DDB2: variants seen among roughly 807,000 people sequenced by gnomAD.
DDB2 encodes the protein damage specific DNA binding protein 2.
A neutral mutation model predicts 50.5 loss-of-function variants in DDB2; 27 were observed. The ratio of observed to expected loss-of-function variants is 0.53; its 90% CI spans 0.39 to 0.74. DDB2 has a LOEUF of 0.74. Among genes scored for constraint, DDB2 ranks in the 30% least tolerant of loss-of-function variants. The probability of loss-of-function intolerance (pLI) is 0.00; values close to 1 mark genes in which losing one functional copy is unlikely to be tolerated. For missense variants in DDB2, 424 were observed against 545.6 expected (o/e 0.78, Z 2.22); for synonymous variants, 176 against 205.5 (o/e 0.86, Z 1.23).
At chr11:47,221,261 G>A (rs918301792) in intron 3 of DDB2, among the ~76,000 whole-genome samples, 7 of 151,500 alleles carry the variant, frequency 4.6e-5, no homozygotes, top group African/African-American at 1.7e-4. Context: ...GCATCCCTCT[G>A]TGCATGTGTA....
chr11:47,215,342 TCCGAGGCTC>T, intron 1 of DDB2, 79 bp downstream of exon 1: 1 of 1,606,018 alleles, frequency 6.2e-7, no homozygotes, highest in Non-Finnish European at 8.5e-7. Context: ...GGATGGGTGC[TCCGAGGCTC>T]CCGAGGCCCG....
chr11:47,228,622 A>C (rs1467810869), intron 3 of DDB2, among the ~76,000 whole-genome samples: 1 of 138,536 alleles, frequency 7.2e-6, no homozygotes, highest in Non-Finnish European at 1.6e-5. Context: ...CAGCCTGGGC[A>C]ACAGCATGGG....
At chr11:47,215,748 T>G in intron 1 of DDB2, 1 of 263,880 alleles carries the variant, frequency 3.8e-6, no homozygotes, top group East Asian at 1.0e-4. Context: ...AATCAAGTGG[T>G]TTTTGTCCAT....
chr11:47,215,381 C>CGGCT lies in DDB2; in HGVS notation c.127+120_127+123dup, dbSNP rs1036732724. ...GGCCCGCGCAGGTCACGGGTGCCTCCGGCTGTGCATTCTACCTGCAGGTCC... is the reference window on the plus strand; with the variant it reads ...GGCCCGCGCAGGTCACGGGTGCCTCCGGCTGGCTGTGCATTCTACCTGCAGGTCC... On this transcript the variant is annotated intron_variant, in intron 1 of 9. Coordinates refer to ENST00000256996, the MANE Select transcript of DDB2 (RefSeq NM_000107.3). The CGGCT allele has an allele frequency of 8.0e-6, 12 of 1,494,660 alleles. No individual in the cohort carries two copies. The Admixed American group carries it at 1.3e-4, about 17-fold the overall frequency. The allele number at this position is 1,494,660 out of a possible 1,614,324, so 92.6% of individuals were successfully genotyped here.
chr11:47,232,743 T>C (rs1464727861), intron 3 of DDB2, 71 bp from the exon 4 acceptor site: 1 of 1,571,980 alleles, frequency 6.4e-7, no homozygotes, highest in Non-Finnish European at 8.7e-7. Flanking sequence ...CGGCGCAGCA[T>C]GTGTGCCCAG....
intron 1 of DDB2, chr11:47,215,970 A>C (rs1953394790): frequency 2.7e-6 from 1 of 370,710 alleles, no homozygotes; most frequent in South Asian, 2.3e-5. Flanking sequence ...TTTATTGTGC[A>C]TTATATGTGA....
At chr11:47,237,488 T>G (rs1953746031) in intron 7 of DDB2, 12 of 326,762 alleles carry the variant, frequency 3.7e-5, no homozygotes. Context: ...TGGAGTGCAG[T>G]GACATGATCT....
At chr11:47,221,349 C>G (rs1953482116) in intron 3 of DDB2, among the ~76,000 whole-genome samples, 1 of 151,690 alleles carries the variant, frequency 6.6e-6, no homozygotes, top group Non-Finnish European at 1.5e-5. Flanking sequence ...TCTCACCTCA[C>G]TGCAACCTCC....
Position 47,232,799 on chromosome 11 carries a change from C to G in DDB2, c.457-15C>G. ...GCCCATCATCACTCACTGGCTTTTTCCTTCCTCGTGTTAGATTGGAGCTGG... is the reference window on the plus strand; with the variant it reads ...GCCCATCATCACTCACTGGCTTTTTGCTTCCTCGTGTTAGATTGGAGCTGG... On this transcript the variant is annotated splice_polypyrimidine_tract_variant and intron_variant, in intron 3 of 9. Coordinates refer to ENST00000256996, the MANE Select transcript of DDB2 (RefSeq NM_000107.3). The G allele has an allele frequency of 1.2e-6, 2 of 1,613,012 alleles. No individual in the cohort carries two copies. The highest frequency in any genetic ancestry group is 1.7e-6 in the Non-Finnish European group (2 of 1,179,974).
intron 3 of DDB2, among the ~76,000 whole-genome samples, chr11:47,232,188 A>G (rs1024845920): frequency 6.6e-6 from 1 of 152,070 alleles, no homozygotes; most frequent in African/African-American, 2.4e-5. Flanking sequence ...TACTAAAAAT[A>G]TACAATTTAG....
chr11:47,239,139 G>A lies in DDB2; in HGVS notation c.*290G>A, dbSNP rs897962015. 6.5e-6 allele frequency: 3 copies of A among 458,054 alleles called. No individual in the cohort carries two copies. The highest frequency in any genetic ancestry group is 1.2e-5 in the Non-Finnish European group (3 of 246,994). The allele number at this position is 458,054 out of a possible 1,614,324, so 28.4% of individuals were successfully genotyped here. The stretch of plus-strand genomic sequence containing the variant: ...GAACTAAATGACTTTTCTCCTCTCA[G>A]TGGGTGGTAGCAGAGGGATCAAGCA... On this transcript the variant is annotated 3_prime_UTR_variant, in exon 10 of 10. Transcript: ENST00000256996.
At chr11:47,238,259 C>A in intron 9 of DDB2, 76 bp downstream of exon 9, 1 of 1,323,582 alleles carries the variant, frequency 7.6e-7, no homozygotes, top group Non-Finnish European at 1.1e-6. Flanking sequence ...CCAGCCTCAG[C>A]CCCGCCCTGC....
chr11:47,229,179 G>A (rs1953607975), intron 3 of DDB2, among the ~76,000 whole-genome samples: 1 of 152,066 alleles, frequency 6.6e-6, no homozygotes, highest in Non-Finnish European at 1.5e-5. Context: ...GTCATTACAG[G>A]TGGCAGGTGG....
chr11:47,237,597 AT>A (rs952857558), intron 7 of DDB2: 1,235 of 409,950 alleles, frequency 3.0e-3, no homozygotes, highest in Middle Eastern at 7.5e-3. Context: ...CGCCCAGCTA[AT>A]TTTTTTTTTG....
intron 7 of DDB2, chr11:47,235,624 A>G: frequency 3.3e-6 from 2 of 605,936 alleles, no homozygotes; most frequent in South Asian, 1.9e-5. Context: ...TCTCGCTGAT[A>G]AGATATTTTT....
At chr11:47,228,976 A>AG in intron 3 of DDB2, among the ~76,000 whole-genome samples, 1 of 20,348 alleles carries the variant, frequency 4.9e-5, no homozygotes, top group Admixed American at 5.5e-4. Context: ...AAAAAAAAGA[A>AG]ATATCTATCT....
intron 3 of DDB2, among the ~76,000 whole-genome samples, chr11:47,227,913 G>A (rs1953583358): frequency 2.0e-5 from 3 of 151,700 alleles, no homozygotes; most frequent in Non-Finnish European, 2.9e-5. Flanking sequence ...AGGCCGAGGG[G>A]GTCGGATTAT....
chr11:47,238,616 T>A (rs1419773298), intron 9 of DDB2, among the ~76,000 whole-genome samples, 184 bp from the exon 10 acceptor site: 1 of 152,122 alleles, frequency 6.6e-6, no homozygotes, highest in Non-Finnish European at 1.5e-5. Context: ...GCCAGGATGG[T>A]CTCGGTCTCC....
At chr11:47,228,720 G>A (rs1407348785) in intron 3 of DDB2, among the ~76,000 whole-genome samples, 1 of 150,746 alleles carries the variant, frequency 6.6e-6, no homozygotes, top group Non-Finnish European at 1.5e-5. Flanking sequence ...CTGTTGGGAG[G>A]CCGAGGCAGG....
Sources: allele counts gnomAD v4.1 joint callset (sites outside exome capture counted in the v4.1 genomes callset), GRCh38; gene constraint gnomAD v4.1.1; transcripts MANE v1.5; gene names NCBI Gene and HGNC (gene_info 2026-07-23, HGNC 2026-07-21).